NOS1: variants seen among roughly 807,000 people sequenced by gnomAD.
The protein encoded by NOS1 is NOS type I.
Under a neutral mutation model 164.5 loss-of-function variants are expected in NOS1, and 51 were observed. The observed-to-expected ratio is 0.31, with a 90% CI of 0.25 to 0.39. The LOEUF is 0.39. Among genes scored for constraint, NOS1 ranks in the 10% least tolerant of loss-of-function variants. The pLI, the probability that NOS1 is intolerant of heterozygous loss-of-function variation, is 1.00. For synonymous variants in NOS1, 719 were observed against 745.8 expected, an observed-to-expected ratio of 0.96 and a Z score of 0.59; for missense variants, 1,362 against 1,885.6, an observed-to-expected ratio of 0.72 and a Z score of 5.14.
At chr12:117,305,757 C>A (rs1874108418) in intron 3 of NOS1, among the ~76,000 whole-genome samples, 1 of 150,940 alleles carries the variant, frequency 6.6e-6, no homozygotes, top group Admixed American at 6.6e-5. Context: ...GAATCTCAGA[C>A]AACAGAGCCA....
At chr12:117,260,169 A>G (rs1871791618) in intron 14 of NOS1, among the ~76,000 whole-genome samples, 1 of 151,912 alleles carries the variant, frequency 6.6e-6, no homozygotes, top group Non-Finnish European at 1.5e-5. Flanking sequence ...AAACCAAAAA[A>G]CCATCGAGCT....
chr12:117,255,962 C>T (rs1398437413), intron 16 of NOS1: 2 of 1,491,092 alleles, frequency 1.3e-6, no homozygotes, highest in Admixed American at 2.8e-5. Flanking sequence ...GGGCTGCAGC[C>T]AGACCGTGGA....
intron 26 of NOS1, among the ~76,000 whole-genome samples, chr12:117,221,189 G>A (rs188357070): frequency 3.1e-4 from 47 of 150,090 alleles, no homozygotes; most frequent in South Asian, 1.3e-3. Flanking sequence ...AGTCTTGCTC[G>A]TTGCCCAGGC....
chr12:117,270,573 TAGA>T (rs1197072138), intron 10 of NOS1, among the ~76,000 whole-genome samples: 1 of 152,060 alleles, frequency 6.6e-6, no homozygotes, highest in Non-Finnish European at 1.5e-5. Flanking sequence ...AAAGTATGTA[TAGA>T]AGAACAATGC....
chr12:117,216,979 G>C (rs539098560), intron 28 of NOS1, among the ~76,000 whole-genome samples: 2 of 152,274 alleles, frequency 1.3e-5, no homozygotes, highest in East Asian at 3.9e-4. Context: ...AGTAAAGGGC[G>C]TCCAGGGGTG....
chr12:117,234,747 A>G lies in NOS1; in HGVS notation c.3053T>C (p.Ile1018Thr), dbSNP rs1869559178. 1 of 1,609,854 alleles carries G rather than the reference A, an allele frequency of 6.2e-7. No individual in the cohort carries two copies. Residue 1018 changes from isoleucine to threonine, a missense_variant, in exon 21 of 29, where the codon ATC becomes ACC. By Grantham distance (89) the Ile-to-Thr change is moderately conservative. This residue lies in a region of NOS1 where 737 missense variants were observed against 1,030.3 expected (regional missense o/e 0.72). Coordinates refer to ENST00000317775, the MANE Select transcript of NOS1 (RefSeq NM_000620.5). This position sits in a 1 kb window ranked among gnomAD's most constrained non-coding sequence, Gnocchi z 4.3. Reference protein sequence around the residue: ...LQSPKSSRSTIFVRLHTNGSQ... With the variant: ...LQSPKSSRSTTFVRLHTNGSQ... ...CCCGTTGGTGTGGAGACGCACGAAG[A>G]TAGTTGACCGACTGCAGGAAATTGC...
intron 23 of NOS1, among the ~76,000 whole-genome samples, chr12:117,226,975 G>GT (rs1275243248): frequency 2.6e-5 from 4 of 152,166 alleles, no homozygotes; most frequent in African/African-American, 4.8e-5. Flanking sequence ...GTTCTATTGG[G>GT]TAGGGGTGGG....
Position 117,222,775 on chromosome 12 carries a change from C to G in NOS1, c.3915G>C (p.Lys1305Asn). 6.2e-7 allele frequency: 1 copy of G among 1,613,912 alleles called. No individual in the cohort carries two copies. Among genetic ancestry groups the G allele is most frequent in the Non-Finnish European group, 8.5e-7 (1 of 1,179,978 alleles). The part of the protein sequence containing the change: ...HIYREETLQA[K>N]NKGVFRELYT... ...ACAGCTCTCTGAAGACCCCCTTGTTCTTGGCCTGCAGGGTCTCTTCCCTGT... is the reference window on the plus strand; with the variant it reads ...ACAGCTCTCTGAAGACCCCCTTGTTGTTGGCCTGCAGGGTCTCTTCCCTGT... The change falls in exon 26 of 29, where the codon AAG (lysine) becomes AAC (asparagine). Residue 1305 changes from lysine (K) to asparagine (N), a missense_variant. By Grantham distance (94) the Lys-to-Asn change is moderately conservative. Transcript: ENST00000317775.
chr12:117,305,464 A>C (rs6490124), intron 3 of NOS1, among the ~76,000 whole-genome samples: 19,672 of 92,286 alleles, frequency 0.21, 1,431 homozygotes, highest in South Asian at 0.33. Context: ...ACTCCATCTC[A>C]AAAAAAAAAA....
intron 2 of NOS1, among the ~76,000 whole-genome samples, chr12:117,324,046 A>G (rs1299023212): frequency 6.6e-6 from 1 of 151,730 alleles, no homozygotes; most frequent in Non-Finnish European, 1.5e-5. Flanking sequence ...AAGATGTGGG[A>G]GTACAGGCAT....
chr12:117,254,101 T>TA lies in NOS1; in HGVS notation c.2532-348dup, dbSNP rs769066980. ...CCATGAGACCATGCTCCCTTGTTTC[T>TA]AAAAAAAAAAAAAATTTTTTTTTGA... On this transcript the variant is annotated intron_variant, in intron 16 of 28. Coordinates refer to ENST00000317775, the MANE Select transcript of NOS1 (RefSeq NM_000620.5). 2.7e-3 allele frequency among the ~76,000 whole-genome samples: 396 copies of TA among 146,448 alleles called. 2 individuals carry two copies. Among genetic ancestry groups the TA allele is most frequent in the African/African-American group, 8.2e-3 (331 of 40,146 alleles).
chr12:117,228,169 C>T (rs916737203), intron 22 of NOS1, among the ~76,000 whole-genome samples: 3 of 152,096 alleles, frequency 2.0e-5, no homozygotes, highest in African/African-American at 7.2e-5. Flanking sequence ...ACACTTGAAT[C>T]GCAATTATTC....
At chr12:117,221,030 C>T (rs1956695357) in intron 26 of NOS1, among the ~76,000 whole-genome samples, 1 of 152,138 alleles carries the variant, frequency 6.6e-6, no homozygotes, top group South Asian at 2.1e-4. Context: ...CTGACTCCTT[C>T]CCTGGGACCC....
chr12:117,258,318 T>C (rs1871625115), intron 16 of NOS1, 79 bp downstream of exon 16: 3 of 1,416,932 alleles, frequency 2.1e-6, no homozygotes, highest in Non-Finnish European at 3.0e-6. Context: ...AGAACTCAAA[T>C]GTGAACCCCA....
intron 2 of NOS1, among the ~76,000 whole-genome samples, chr12:117,324,095 C>T (rs1174513365): frequency 2.0e-5 from 3 of 152,224 alleles, no homozygotes; most frequent in Middle Eastern, 3.4e-3. Flanking sequence ...GTTCTAGACA[C>T]TCACTATGAG....
chr12:117,317,966 G>C (rs1874743149), intron 2 of NOS1, among the ~76,000 whole-genome samples: 1 of 152,206 alleles, frequency 6.6e-6, no homozygotes, highest in Non-Finnish European at 1.5e-5. Flanking sequence ...GAGCCCAGGA[G>C]TTCCAGACCA....
At chr12:117,325,618 C>T (rs1875205828) in intron 2 of NOS1, among the ~76,000 whole-genome samples, 1 of 152,194 alleles carries the variant, frequency 6.6e-6, no homozygotes, top group Non-Finnish European at 1.5e-5. Context: ...CTTGTATAAA[C>T]ACGGCTTTAA....
intron 1 of NOS1, among the ~76,000 whole-genome samples, chr12:117,338,682 C>A (rs1875954814): frequency 6.6e-6 from 1 of 152,142 alleles, no homozygotes; most frequent in Non-Finnish European, 1.5e-5. Flanking sequence ...TGAGGCAGAT[C>A]TCTATCTGCA....
rs146442744 is a variant in NOS1 at position 117,210,139 on chromosome 12, A to AT, written c.*5169dup. 12,040 of 290,252 alleles carry AT rather than the reference A, an allele frequency of 0.041. 77 individuals are homozygous for AT. The highest frequency in any genetic ancestry group is 0.06 in the African/African-American group (2,269 of 37,668). 18.0% of individuals were successfully genotyped at this position (290,252 alleles called of 1,614,324 possible). A position where few individuals can be genotyped will look rare whatever the true frequency, so the allele number is the denominator to read the frequency against. On this transcript the variant is annotated 3_prime_UTR_variant, in exon 29 of 29. Transcript: ENST00000317775. ...AGGAGCATGCCATCATGCCCAGCTA[A>AT]TTTTTTTTTTTTTTTTTTTTTAGTA...
Sources: gnomAD v4.1 joint callset for allele counts (sites outside exome capture counted in the v4.1 genomes callset) on GRCh38, gnomAD v4.1.1 for gene constraint, gnomAD v4.1.1 regional missense constraint, Gnocchi (gnomAD v3.1) non-coding constraint, MANE v1.5 for transcripts, NCBI Gene and HGNC (gene_info 2026-07-23, HGNC 2026-07-21) for gene names.